C1QTNF5: variants seen among roughly 807,000 people sequenced by gnomAD.
The protein encoded by C1QTNF5 is complement C1q tumor necrosis factor-related protein 5.
In C1QTNF5, 5 loss-of-function variants were observed where a neutral mutation model predicts 10.9. The observed-to-expected ratio is 0.46, with a 90% CI of 0.24 to 0.97. The LOEUF (loss-of-function observed/expected upper bound fraction) is 0.97. C1QTNF5 is among the 50% of genes least tolerant of loss of function. The probability of loss-of-function intolerance (pLI) is 0.19; values close to 1 mark genes in which losing one functional copy is unlikely to be tolerated. For missense variants in C1QTNF5, 281 were observed against 339.4 expected (o/e 0.83, Z 1.35); for synonymous variants, 161 against 156.5 (o/e 1.03, Z -0.22).
upstream of C1QTNF5, chr11:119,344,738 C>T (rs541289282): frequency 1.2e-6 from 2 of 1,613,922 alleles, no homozygotes; most frequent in African/African-American, 2.7e-5. Context: ...CACAGCGGAA[C>T]TCATCATGGG....
upstream of C1QTNF5, chr11:119,342,809 A>C: frequency 1.9e-6 from 3 of 1,613,082 alleles, no homozygotes; most frequent in Non-Finnish European, 2.5e-6. Flanking sequence ...CAGGGTCCAG[A>C]GCCCTTGTCT....
upstream of C1QTNF5, chr11:119,341,171 C>G: frequency 3.5e-6 from 1 of 284,234 alleles, no homozygotes; most frequent in Non-Finnish European, 6.8e-6. Flanking sequence ...TCCCTAGGGC[C>G]TAGGACAGGG....
At chr11:119,342,456 T>A, upstream of C1QTNF5, 1 of 1,053,376 alleles carries the variant, frequency 9.5e-7, no homozygotes, top group Non-Finnish European at 1.4e-6. Context: ...CTCTGTGAAG[T>A]GGTCCCAGAG....
chr11:119,342,455 G>T (rs1950511496), upstream of C1QTNF5: 3 of 1,049,358 alleles, frequency 2.9e-6, no homozygotes, highest in South Asian at 4.7e-5. Context: ...ACTCTGTGAA[G>T]TGGTCCCAGA....
upstream of C1QTNF5, chr11:119,344,248 A>G: frequency 7.0e-7 from 1 of 1,432,046 alleles, no homozygotes; most frequent in Non-Finnish European, 9.9e-7. Flanking sequence ...CATTCCCATT[A>G]CACTAACTTG....
At chr11:119,345,954 C>T in the C1QTNF5 span, 92 of 1,613,462 alleles carry the variant, frequency 5.7e-5, no homozygotes, top group Admixed American at 6.0e-4. Flanking sequence ...TGGAGGGTGG[C>T]GTTCAGAGGA....
upstream of C1QTNF5, chr11:119,345,399 C>G (rs755343154): frequency 6.2e-7 from 1 of 1,612,026 alleles, no homozygotes; most frequent in Non-Finnish European, 8.5e-7. Flanking sequence ...GGTGGGATGT[C>G]CTGGGGACAG....
chr11:119,339,410 T>A lies in C1QTNF5; in HGVS notation c.653A>T (p.Tyr218Phe), dbSNP rs758015507. The change falls in exon 3 of 3, where the codon TAT becomes TTT. Residue 218 changes from tyrosine (Y) to phenylalanine (F), a missense_variant. Transcript: ENST00000528368. The surrounding 1 kb of genome is among the most constrained non-coding windows in gnomAD (Gnocchi z 5.4). ...GGTGCTGTCTGTCTTGATGCTGGCA[T>A]AGATGCCAATGTAGTCACCCACACC... Reference protein sequence around the residue: ...QVGVGDYIGIYASIKTDSTFS... With the variant: ...QVGVGDYIGIFASIKTDSTFS... 7.4e-6 allele frequency: 12 copies of A among 1,613,236 alleles called. No individual in the cohort carries two copies. In the South Asian group the frequency reaches 1.3e-4, roughly 18 times the overall value.
chr11:119,344,025 C>T, upstream of C1QTNF5: 2 of 1,603,122 alleles, frequency 1.2e-6, no homozygotes, highest in Non-Finnish European at 8.5e-7. Flanking sequence ...CCCGGGCACC[C>T]AGAAGGGTCT....
In C1QTNF5 at chr11:119,339,779, G is replaced by T. The variant is rs1185707685; in HGVS notation, c.284C>A (p.Ala95Asp). 1.3e-6 allele frequency: 2 copies of T among 1,541,944 alleles called. No homozygotes were observed. The highest frequency in any genetic ancestry group is 8.7e-7 in the Non-Finnish European group (1 of 1,150,840). Residue 95 changes from alanine (A) to aspartate (D), a missense_variant, in exon 3 of 3, where the codon GCC (alanine) becomes GAC (aspartate). By Grantham distance (126) the Ala-to-Asp change is moderately radical. Coordinates refer to ENST00000528368, the MANE Select transcript of C1QTNF5 (RefSeq NM_001278431.2). This position sits in a 1 kb window ranked among gnomAD's most constrained non-coding sequence, Gnocchi z 5.4. Reference protein sequence around the residue: ...EAGPAGPTGPAGECSVPPRSA... With the variant: ...EAGPAGPTGPDGECSVPPRSA... ...TCGCGGAGGCACCGAGCACTCCCCG[G>T]CAGGCCCGGTGGGCCCCGCGGGTCC...
Position 119,340,238 on chromosome 11 carries a change from C to T in C1QTNF5, c.160G>A (p.Gly54Ser), listed in dbSNP as rs748378851. Residue 54 changes from glycine (G) to serine (S), a missense_variant, in exon 2 of 3, where the codon GGC (glycine) becomes AGC (serine). Gly to Ser is a moderately conservative substitution (Grantham distance 56). Transcript: ENST00000528368. ...GGAGCCCCGGGCGCGCCGTCGCGGC[C>T]GTCGCGGCCATCGCGGCCCGGCAAG... ...QGLPGRDGRD[G>S]RDGAPGAPGE... The T allele has an allele frequency of 6.6e-7, 1 of 1,514,300 alleles. No individual in the cohort carries two copies. The highest frequency in any genetic ancestry group is 1.2e-5 in the South Asian group (1 of 80,436). The allele number at this position is 1,514,300 out of a possible 1,614,324, so 93.8% of individuals were successfully genotyped here. A position where few individuals can be genotyped will look rare whatever the true frequency, so the allele number is the denominator to read the frequency against.
At position 119,340,186 on chromosome 11, in the gene C1QTNF5, G is replaced by A. The variant is rs554735772; in HGVS notation, c.212C>T (p.Pro71Leu). The A allele has an allele frequency of 2.0e-6, 3 of 1,514,264 alleles. No individual in the cohort carries two copies. Among genetic ancestry groups the A allele is most frequent in the South Asian group, 1.2e-5 (1 of 80,412 alleles). 93.8% of individuals were successfully genotyped at this position (1,514,264 alleles called of 1,614,324 possible). A position where few individuals can be genotyped will look rare whatever the true frequency, so the allele number is the denominator to read the frequency against. Residue 71 changes from proline (P) to leucine (L), a missense_variant and splice_region_variant, in exon 2 of 3, where the codon CCG becomes CTG. Coordinates refer to ENST00000528368, the MANE Select transcript of C1QTNF5 (RefSeq NM_001278431.2). ...TAGCCGCGGCGGTGCCTTCTTACCCGGCCTCCCGCCCTCGCCTTTCTCTCC... is the reference window on the plus strand; with the variant it reads ...TAGCCGCGGCGGTGCCTTCTTACCCAGCCTCCCGCCCTCGCCTTTCTCTCC... Reference protein sequence around the residue: ...APGEKGEGGRPGLPGPRGDPG... With the variant: ...APGEKGEGGRLGLPGPRGDPG...
upstream of C1QTNF5, chr11:119,345,487 C>G (rs786205472): frequency 6.2e-7 from 1 of 1,614,104 alleles, no homozygotes. Context: ...GCCACACTCT[C>G]TATGCTGAGG....
At chr11:119,344,486 C>A, upstream of C1QTNF5, 1 of 1,559,968 alleles carries the variant, frequency 6.4e-7, no homozygotes, top group Non-Finnish European at 8.8e-7. Context: ...TTTGGCCATG[C>A]CCATGGGAAA....
upstream of C1QTNF5, chr11:119,345,022 G>A (rs1461541119): frequency 1.3e-6 from 2 of 1,597,454 alleles, no homozygotes; most frequent in East Asian, 2.3e-5. Context: ...AAGCCAGGTT[G>A]GGGGTGAGGG....
At chr11:119,344,132 C>T (rs1466461476), upstream of C1QTNF5, among the ~76,000 whole-genome samples, 1 of 151,926 alleles carries the variant, frequency 6.6e-6, no homozygotes, top group Non-Finnish European at 1.5e-5. Context: ...GTGAGTTGAC[C>T]CAGTGTGGGA....
upstream of C1QTNF5, chr11:119,343,927 C>T (rs147614299): frequency 7.4e-6 from 12 of 1,613,302 alleles, no homozygotes; most frequent in African/African-American, 1.3e-4. Context: ...TAGTTCTATG[C>T]TGTGTCCGGC....
upstream of C1QTNF5, chr11:119,342,132 T>A: frequency 1.0e-6 from 1 of 960,932 alleles, no homozygotes; most frequent in Non-Finnish European, 1.6e-6. Context: ...AGACAGGCTG[T>A]ACACACTCTG....
intron 1 of C1QTNF5, 96 bp from the exon 2 acceptor site, chr11:119,340,536 C>G (rs182944983): frequency 3.3e-6 from 3 of 918,120 alleles, no homozygotes; most frequent in Non-Finnish European, 4.9e-6. Context: ...ACCCCACTGC[C>G]GTGCCCCTGA....
Sources: allele counts gnomAD v4.1 joint callset (sites outside exome capture counted in the v4.1 genomes callset), GRCh38; gene constraint gnomAD v4.1.1; non-coding constraint Gnocchi (gnomAD v3.1); transcripts MANE v1.5; gene names NCBI Gene and HGNC (gene_info 2026-07-23, HGNC 2026-07-21).